CREB1: variants seen among roughly 807,000 people sequenced by gnomAD.
CREB1 encodes the protein cyclic AMP-responsive element-binding protein 1.
In CREB1, 2 loss-of-function variants were observed where a neutral mutation model predicts 42.0. That is an observed-to-expected ratio of 0.05 (90% CI 0.02 to 0.15). The LOEUF (loss-of-function observed/expected upper bound fraction) is 0.15. Ranked by LOEUF, CREB1 falls within the 10% of genes least tolerant of loss-of-function variation. The pLI is 1.00. For synonymous variants in CREB1, 123 were observed against 139.9 expected (o/e 0.88, Z 0.85); for missense variants, 199 against 388.9 (o/e 0.51, Z 4.11).
chr2:207,568,282 T>C (rs987248324), intron 4 of CREB1: 2 of 152,132 alleles, frequency 1.3e-5, no homozygotes, highest in Non-Finnish European at 2.9e-5. Flanking sequence ...CCCTTTTCTC[T>C]GTCCTTACAA....
chr2:207,558,353 T>C (rs2081816469), intron 2 of CREB1, among the ~76,000 whole-genome samples: 1 of 152,224 alleles, frequency 6.6e-6, no homozygotes, highest in African/African-American at 2.4e-5. Flanking sequence ...TCCTTACTTC[T>C]TGCATTCTCT....
intron 1 of CREB1, among the ~76,000 whole-genome samples, chr2:207,543,774 T>G (rs2081192633): frequency 1.3e-5 from 2 of 151,830 alleles, no homozygotes; most frequent in African/African-American, 4.8e-5. Flanking sequence ...AGCTAATTTT[T>G]TTGTATTTTT....
In CREB1 at chr2:207,600,205, T is replaced by TGG. The variant is rs565660729; in HGVS notation, c.*3154_*3155dup. On this transcript the variant is annotated 3_prime_UTR_variant, in exon 8 of 8. Coordinates refer to ENST00000353267, the MANE Select transcript of CREB1 (RefSeq NM_004379.5). ...GGTGCTCTCTTCATTTAGATATTCT[T>TGG]GGGGGGGGTGGCATTTGTATAATAT... 1 of 168,792 alleles carries TGG rather than the reference T, an allele frequency of 5.9e-6. No homozygotes were observed. The highest frequency in any genetic ancestry group is 1.3e-5 in the Non-Finnish European group (1 of 79,822). The allele number at this position is 168,792 out of a possible 1,614,324, so 10.5% of individuals were successfully genotyped here.
chr2:207,549,568 G>C (rs185897130), intron 1 of CREB1, among the ~76,000 whole-genome samples: 1 of 152,314 alleles, frequency 6.6e-6, no homozygotes, highest in East Asian at 1.9e-4. Context: ...TTTGAAGGAT[G>C]TAAGAATGTA....
chr2:207,591,694 A>G (rs1183135267), intron 7 of CREB1, among the ~76,000 whole-genome samples: 1 of 152,066 alleles, frequency 6.6e-6, no homozygotes, highest in South Asian at 2.1e-4. Context: ...CAGCCTCCCA[A>G]AGTGCTGGGA....
At chr2:207,578,019 T>A (rs979177849) in intron 7 of CREB1, 8 of 214,652 alleles carry the variant, frequency 3.7e-5, no homozygotes, top group African/African-American at 1.4e-4. Context: ...GTATATTAAC[T>A]GTGTGTTAAA....
At chr2:207,579,647 C>G (rs1219278449) in intron 7 of CREB1, among the ~76,000 whole-genome samples, 1 of 152,176 alleles carries the variant, frequency 6.6e-6, no homozygotes, top group African/African-American at 2.4e-5. Context: ...CATAACATTA[C>G]TTTGCTTAGA....
intron 1 of CREB1, among the ~76,000 whole-genome samples, chr2:207,530,531 G>A (rs1192526405): frequency 2.1e-5 from 3 of 145,854 alleles, no homozygotes; most frequent in Non-Finnish European, 3.0e-5. Flanking sequence ...AGCCGCCCCG[G>A]GGGAGGCCGC....
rs1408615870 is a variant in CREB1 at position 207,598,489 on chromosome 2, A to T, written c.*1431A>T. 1 of 6,504 alleles carries T rather than the reference A, an allele frequency of 1.5e-4. No individual in the cohort carries two copies. Among genetic ancestry groups the T allele is most frequent in the Non-Finnish European group, 2.6e-4 (1 of 3,872 alleles). The allele number at this position is 6,504 out of a possible 1,614,324, so 0.4% of individuals were successfully genotyped here. ...CGATAAATCTAACAGTTACTCTTAA[A>T]AAAAAAAAAAAAAGACTAAGGTGGA... On this transcript the variant is annotated 3_prime_UTR_variant, in exon 8 of 8. Coordinates refer to ENST00000353267, the MANE Select transcript of CREB1 (RefSeq NM_004379.5).
rs188001194 is a variant in CREB1 at position 207,537,813 on chromosome 2, G to T, written c.-9+7679G>T. On this transcript the variant is annotated intron_variant, in intron 1 of 7. Coordinates refer to ENST00000353267, the MANE Select transcript of CREB1 (RefSeq NM_004379.5). Reference sequence around the variant, plus strand: ...TTGCCTTTTCTCTCTCTCTTTTTAAGCTCTGCCAGACAAGGCCCTATGAAG... The same window carrying T: ...TTGCCTTTTCTCTCTCTCTTTTTAATCTCTGCCAGACAAGGCCCTATGAAG... Among the ~76,000 whole-genome samples, 214 of 151,994 alleles carry T rather than the reference G, an allele frequency of 1.4e-3. 1 individual carries two copies. Among genetic ancestry groups the T allele is most frequent in the Non-Finnish European group, 2.5e-3 (172 of 67,972 alleles).
intron 4 of CREB1, among the ~76,000 whole-genome samples, chr2:207,568,663 CAG>C (rs2082233564): frequency 6.6e-6 from 1 of 152,026 alleles, no homozygotes. Context: ...CATAAAGGGA[CAG>C]AGTTTATAAC....
chr2:207,556,503 T>C (rs1406488973), intron 2 of CREB1, among the ~76,000 whole-genome samples: 1 of 152,190 alleles, frequency 6.6e-6, no homozygotes, highest in African/African-American at 2.4e-5. Flanking sequence ...CTTCAGTTTC[T>C]CCAAGAGTTT....
intron 7 of CREB1, among the ~76,000 whole-genome samples, 180 bp from the exon 8 acceptor site, chr2:207,596,734 G>A (rs2086249811): frequency 6.6e-6 from 1 of 151,944 alleles, no homozygotes; most frequent in Non-Finnish European, 1.5e-5. Flanking sequence ...CGCCTGGCCA[G>A]ATTAAAATTT....
rs541898892 is a variant in CREB1 at position 207,552,233 on chromosome 2, A to G, written c.-8-3395A>G. 1.1e-3 allele frequency among the ~76,000 whole-genome samples: 167 copies of G among 152,092 alleles called. 2 individuals are homozygous for G. Among genetic ancestry groups the G allele is most frequent in the Non-Finnish European group, 1.8e-3 (122 of 68,006 alleles). On this transcript the variant is annotated intron_variant, in intron 1 of 7. Transcript: ENST00000353267. Reference sequence around the variant, plus strand: ...AAAAACATTTTGAGTATGTCTTTGTAACTAAAATTTACTTGGATTCACTAA... The same window carrying G: ...AAAAACATTTTGAGTATGTCTTTGTGACTAAAATTTACTTGGATTCACTAA...
At chr2:207,536,324 G>A (rs1191684526) in intron 1 of CREB1, among the ~76,000 whole-genome samples, 1 of 152,144 alleles carries the variant, frequency 6.6e-6, no homozygotes, top group African/African-American at 2.4e-5. Flanking sequence ...GGAGGCTGAG[G>A]TAGGTGGATC....
intron 1 of CREB1, among the ~76,000 whole-genome samples, chr2:207,533,899 G>A (rs1235263260): frequency 6.6e-6 from 1 of 152,144 alleles, no homozygotes; most frequent in Non-Finnish European, 1.5e-5. Context: ...CACCCTAAAG[G>A]AATTTTGTGT....
At chr2:207,590,084 T>TTG (rs1553508768) in intron 7 of CREB1, among the ~76,000 whole-genome samples, 24 of 5,116 alleles carry the variant, frequency 4.7e-3, no homozygotes, top group South Asian at 0.016. Flanking sequence ...TTTTGAGAAG[T>TTG]TTTTTTTTTT....
chr2:207,577,778 A>G (rs1268092829), intron 7 of CREB1, 123 bp downstream of exon 7: 1 of 1,175,544 alleles, frequency 8.5e-7, no homozygotes, highest in South Asian at 1.3e-5. Context: ...TTCCAGCAGA[A>G]TTAATGGATC....
At chr2:207,571,906 G>A (rs978786383) in intron 5 of CREB1, 2 of 310,590 alleles carry the variant, frequency 6.4e-6, no homozygotes, top group Non-Finnish European at 1.3e-5. Flanking sequence ...TGGTACACTC[G>A]TCTCCTCCAG....
Sources: allele counts gnomAD v4.1 joint callset (sites outside exome capture counted in the v4.1 genomes callset), GRCh38; gene constraint gnomAD v4.1.1; transcripts MANE v1.5; gene names NCBI Gene and HGNC (gene_info 2026-07-23, HGNC 2026-07-21).